MYLK3: variants seen among roughly 807,000 people sequenced by gnomAD.
The protein encoded by MYLK3 is myosin light chain kinase 3.
Under a neutral mutation model 76.3 loss-of-function variants are expected in MYLK3, and 55 were observed. The observed-to-expected ratio is 0.72, with a 90% CI of 0.58 to 0.90. The LOEUF (loss-of-function observed/expected upper bound fraction) is 0.90, where lower values mean the gene tolerates loss of function less well. Ranked by LOEUF, MYLK3 falls within the 40% of genes least tolerant of loss-of-function variation. The pLI is 0.00. For synonymous variants in MYLK3, 416 were observed against 425.4 expected (o/e 0.98, Z 0.27); for missense variants, 973 against 1,053.6 (o/e 0.92, Z 1.06).
At chr16:46,743,460 C>A (rs1178882060) in intron 1 of MYLK3, among the ~76,000 whole-genome samples, 1 of 152,200 alleles carries the variant, frequency 6.6e-6, no homozygotes, top group Non-Finnish European at 1.5e-5. Flanking sequence ...TCCTGCAAGA[C>A]CTGCCCTGGC....
chr16:46,716,066 C>G (rs1452239917), intron 9 of MYLK3, among the ~76,000 whole-genome samples: 1 of 152,198 alleles, frequency 6.6e-6, no homozygotes, highest in African/African-American at 2.4e-5. Context: ...GAACCTGTGT[C>G]TCTGCCAGCC....
upstream of MYLK3, among the ~76,000 whole-genome samples, chr16:46,750,115 C>T (rs537088794): frequency 1.7e-3 from 262 of 152,316 alleles, no homozygotes; most frequent in Non-Finnish European, 3.0e-3. Flanking sequence ...CAGAAGACTC[C>T]CCCACCCGAC....
upstream of MYLK3, among the ~76,000 whole-genome samples, chr16:46,749,478 C>T (rs1967089938): frequency 6.6e-6 from 1 of 152,216 alleles, no homozygotes. Context: ...TCTAAAAGCA[C>T]TATTAGGGCC....
Position 46,729,686 on chromosome 16 carries a change from C to T in MYLK3, c.1570G>A (p.Gly524Ser), listed in dbSNP as rs774666158. Residue 524 changes from glycine to serine, a missense_variant and splice_region_variant, in exon 6 of 13, where the codon GGT becomes AGT. This residue lies in a region of MYLK3 where 332 missense variants were observed against 416.6 expected (regional missense o/e 0.80). Transcript: ENST00000394809. ...CACCTGTGGACCTGGCCAAACCGAC[C>T]CCTGCAGAGACATAGCCACACGGCA... ...EVCQHEVLGG[G>S]RFGQVHRCTE... 2 of 1,613,538 alleles carry T rather than the reference C, an allele frequency of 1.2e-6. No individual in the cohort carries two copies. The highest frequency in any genetic ancestry group is 1.7e-6 in the Non-Finnish European group (2 of 1,179,688).
At chr16:46,753,653 G>T (rs1222497064) in intron 1 of MYLK3, among the ~76,000 whole-genome samples, 2 of 152,222 alleles carry the variant, frequency 1.3e-5, no homozygotes, top group Non-Finnish European at 2.9e-5. Context: ...GCTCACGCCT[G>T]TAAACCTAGC....
intron 1 of MYLK3, among the ~76,000 whole-genome samples, chr16:46,759,721 G>A (rs551543858): frequency 7.9e-5 from 12 of 151,864 alleles, no homozygotes; most frequent in South Asian, 6.2e-4. Flanking sequence ...TCTGCCTCCC[G>A]GGCTCAAGCA....
chr16:46,742,602 A>AGGT (rs1364062804), intron 1 of MYLK3, among the ~76,000 whole-genome samples: 1 of 152,118 alleles, frequency 6.6e-6, no homozygotes, highest in African/African-American at 2.4e-5. Context: ...CCCAACCCTA[A>AGGT]GGTGGTGGTT....
intron 3 of MYLK3, among the ~76,000 whole-genome samples, chr16:46,737,325 C>T (rs896404056): frequency 6.6e-6 from 1 of 152,344 alleles, no homozygotes; most frequent in African/African-American, 2.4e-5. Flanking sequence ...CAATGGCCAG[C>T]TCAGGGGCAG....
In MYLK3 at chr16:46,704,941, A is replaced by G. The variant is rs1026790892; in HGVS notation, c.*2763T>C. Reference sequence around the variant, plus strand: ...AAATAAGACATTTTACCAAATCACTATCACTGTCTCATCAAAGGACAACTT... The same window carrying G: ...AAATAAGACATTTTACCAAATCACTGTCACTGTCTCATCAAAGGACAACTT... On this transcript the variant is annotated 3_prime_UTR_variant, in exon 13 of 13. Coordinates refer to ENST00000394809, the MANE Select transcript of MYLK3 (RefSeq NM_182493.3). The G allele has an allele frequency of 1.4e-4, 21 of 152,360 alleles. No homozygotes were observed. The highest frequency in any genetic ancestry group is 3.4e-3 in the Middle Eastern group (1 of 294). 9.4% of individuals were successfully genotyped at this position (152,360 alleles called of 1,614,324 possible).
chr16:46,727,184 C>T (rs377066795), intron 8 of MYLK3, 52 bp downstream of exon 8: 6 of 1,590,266 alleles, frequency 3.8e-6, no homozygotes, highest in African/African-American at 2.7e-5. Context: ...TGAGAGCACG[C>T]CAGGAGCTAG....
chr16:46,753,747 C>T (rs1567293622), intron 1 of MYLK3, among the ~76,000 whole-genome samples: 1 of 149,424 alleles, frequency 6.7e-6, no homozygotes, highest in African/African-American at 2.5e-5. Context: ...CCTGTCTCTA[C>T]AAAAAAAAAA....
chr16:46,721,342 C>T (rs937609996), intron 8 of MYLK3, 149 bp from the exon 9 acceptor site: 1 of 662,378 alleles, frequency 1.5e-6, no homozygotes. Context: ...AATGGAAATA[C>T]ATGAAGGGGC....
At chr16:46,736,908 G>A (rs958931327) in intron 3 of MYLK3, among the ~76,000 whole-genome samples, 1 of 152,158 alleles carries the variant, frequency 6.6e-6, no homozygotes, top group African/African-American at 2.4e-5. Context: ...TCTTTACTCT[G>A]CTACAGACAT....
At chr16:46,755,169 G>A (rs1241798080) in intron 1 of MYLK3, among the ~76,000 whole-genome samples, 1 of 152,046 alleles carries the variant, frequency 6.6e-6, no homozygotes, top group Non-Finnish European at 1.5e-5. Flanking sequence ...AAAGTGCTGG[G>A]ATTATAGGCT....
intron 1 of MYLK3, among the ~76,000 whole-genome samples, chr16:46,755,895 CTTTTTTCTTTCTTT>C (rs1476846647): frequency 0.19 from 25,337 of 133,958 alleles, 2,458 homozygotes; most frequent in African/African-American, 0.29. Context: ...GTTCTTTTTT[CTTTTTTCTTTCTTT>C]TTTTTTTTTT....
chr16:46,713,753 C>T (rs1410206769), intron 9 of MYLK3, among the ~76,000 whole-genome samples: 1 of 152,234 alleles, frequency 6.6e-6, no homozygotes, highest in Non-Finnish European at 1.5e-5. Flanking sequence ...GCCCTGTCTT[C>T]GGTAACCACC....
intron 1 of MYLK3, among the ~76,000 whole-genome samples, chr16:46,759,337 C>G (rs1967246150): frequency 6.6e-6 from 1 of 152,228 alleles, no homozygotes; most frequent in Non-Finnish European, 1.5e-5. Context: ...GACCAACGGC[C>G]ATTCATCCAT....
chr16:46,734,260 A>T (rs907122556), intron 3 of MYLK3, among the ~76,000 whole-genome samples: 6 of 152,202 alleles, frequency 3.9e-5, no homozygotes, highest in African/African-American at 1.2e-4. Flanking sequence ...TCTGACACAC[A>T]CTACAGCATC....
chr16:46,732,175 G>A, intron 4 of MYLK3, 33 bp downstream of exon 4: 1 of 1,525,288 alleles, frequency 6.6e-7, no homozygotes, highest in Non-Finnish European at 8.8e-7. Flanking sequence ...TCCCCTCAGG[G>A]CTCGTGTCTA....
Sources: allele counts gnomAD v4.1 joint callset (sites outside exome capture counted in the v4.1 genomes callset), GRCh38; gene constraint gnomAD v4.1.1; regional missense constraint gnomAD v4.1.1; transcripts MANE v1.5; gene names NCBI Gene and HGNC (gene_info 2026-07-23, HGNC 2026-07-21).